The following BORCS5 variants were observed in gnomAD, a reference collection of about 807,000 sequenced individuals.
BORCS5 encodes BLOC-1 related complex subunit 5.
BORCS5 carries 17 observed loss-of-function variants against 22.1 expected under a neutral mutation model. The ratio of observed to expected loss-of-function variants is 0.77; its 90% CI spans 0.53 to 1.15. BORCS5 has a LOEUF of 1.15. Among genes scored for constraint, BORCS5 ranks in the 50% most tolerant of loss-of-function variants. The pLI is 0.00. For synonymous variants in BORCS5, 117 were observed against 99.8 expected, an observed-to-expected ratio of 1.17 and a Z score of -1.03; for missense variants, 247 against 253.2, an observed-to-expected ratio of 0.98 and a Z score of 0.17.
At chr12:12,412,443 A>T (rs940674987) in intron 2 of BORCS5, among the ~76,000 whole-genome samples, 1 of 152,174 alleles carries the variant, frequency 6.6e-6, no homozygotes, top group African/African-American at 2.4e-5. Context: ...ATAGAAATGC[A>T]ACTGATTTTT....
At chr12:12,363,967 C>T (rs922626478) in intron 2 of BORCS5, among the ~76,000 whole-genome samples, 2 of 151,980 alleles carry the variant, frequency 1.3e-5, no homozygotes, top group Admixed American at 6.6e-5. Flanking sequence ...CTTCTGTTTA[C>T]TAGAGGCCTT....
At chr12:12,420,998 G>A (rs1180299673) in intron 2 of BORCS5, among the ~76,000 whole-genome samples, 5 of 152,190 alleles carry the variant, frequency 3.3e-5, no homozygotes, top group African/African-American at 1.2e-4. Context: ...TCTGCAAACA[G>A]GGACAATTTG....
At position 12,357,152 on chromosome 12, in the gene BORCS5, G is replaced by A. The variant is rs1437604729; in HGVS notation, c.-300G>A. ...AAGCGGCGCCGCCCGCCGGCCGCAG[G>A]TGCGGCAAAGCCAGTGTCATCTGCC... On this transcript the variant is annotated 5_prime_UTR_variant, in exon 1 of 4. It adds an upstream start codon to the 5' untranslated region. Transcript: ENST00000314565. 1 of 1,533,152 alleles carries A rather than the reference G, an allele frequency of 6.5e-7. No homozygotes were observed. The highest frequency in any genetic ancestry group is 2.4e-5 in the East Asian group (1 of 40,876). 95.0% of individuals were successfully genotyped at this position (1,533,152 alleles called of 1,614,324 possible).
intron 2 of BORCS5, among the ~76,000 whole-genome samples, chr12:12,404,643 A>T (rs1248830289): frequency 6.6e-6 from 1 of 152,200 alleles, no homozygotes; most frequent in African/African-American, 2.4e-5. Flanking sequence ...TCCACATAGG[A>T]GCACTCCTCA....
chr12:12,400,693 T>C (rs900718396), intron 2 of BORCS5, among the ~76,000 whole-genome samples: 1 of 151,952 alleles, frequency 6.6e-6, no homozygotes, highest in Non-Finnish European at 1.5e-5. Context: ...GGAAGAAAAA[T>C]ACACGTTTCA....
At chr12:12,406,504 C>T (rs79764349) in intron 2 of BORCS5, among the ~76,000 whole-genome samples, 2,074 of 152,276 alleles carry the variant, frequency 0.014, 47 homozygotes, top group African/African-American at 0.047. Flanking sequence ...AGAAGGGTTA[C>T]CCCTTTGAGC....
chr12:12,422,605 G>T (rs1203461837), intron 2 of BORCS5, among the ~76,000 whole-genome samples: 5 of 140,522 alleles, frequency 3.6e-5, no homozygotes, highest in Non-Finnish European at 7.8e-5. Flanking sequence ...CATCTCAAAA[G>T]AAAAAAAAAA....
At chr12:12,448,210 T>C (rs1942829555) in intron 3 of BORCS5, among the ~76,000 whole-genome samples, 1 of 151,924 alleles carries the variant, frequency 6.6e-6, no homozygotes, top group African/African-American at 2.4e-5. Flanking sequence ...TTCTTTTATT[T>C]TTATTTATTT....
chr12:12,423,327 A>T (rs956230423), intron 2 of BORCS5, among the ~76,000 whole-genome samples: 1 of 151,076 alleles, frequency 6.6e-6, no homozygotes, highest in African/African-American at 2.4e-5. Context: ...ATTTACCTTT[A>T]CTGAGATCTT....
In BORCS5 at chr12:12,401,998, G is replaced by T. The variant is rs537417584; in HGVS notation, c.203-33630G>T. Among the ~76,000 whole-genome samples, 4 of 151,326 alleles carry T rather than the reference G, an allele frequency of 2.6e-5. No homozygotes were observed. In the East Asian group the frequency reaches 7.7e-4, roughly 29 times the overall value. Reference sequence around the variant, plus strand: ...GGAGAATGGCGTGAACCCGGGAGGCGGAGCTTGCAGTGAGCCAAGATGGCG... The same window carrying T: ...GGAGAATGGCGTGAACCCGGGAGGCTGAGCTTGCAGTGAGCCAAGATGGCG... On this transcript the variant is annotated intron_variant, in intron 2 of 3. Coordinates refer to ENST00000314565, the MANE Select transcript of BORCS5 (RefSeq NM_058169.6).
Position 12,361,269 on chromosome 12 carries a change from C to G in BORCS5, c.122C>G (p.Ser41Cys), listed in dbSNP as rs3741795. Residue 41 changes from serine to cysteine, a missense_variant, in exon 2 of 4, where the codon TCC (serine) becomes TGC (cysteine). Physicochemically the swap from Ser to Cys is moderately radical, Grantham distance 112. Coordinates refer to ENST00000314565, the MANE Select transcript of BORCS5 (RefSeq NM_058169.6). ...MDDIVVVAQG[S>C]QASRNVSNDP... ...GATATTGTGGTTGTAGCTCAGGGCT[C>G]CCAGGCCTCACGGAACGTCAGCAAC... 3,787 of 1,614,120 alleles carry G rather than the reference C, an allele frequency of 2.3e-3. 36 individuals carry two copies. The East Asian group carries it at 0.029, about 12-fold the overall frequency.
intron 2 of BORCS5, among the ~76,000 whole-genome samples, chr12:12,362,634 A>AACT (rs2136016045): frequency 1.8e-5 from 1 of 54,194 alleles, no homozygotes; most frequent in Admixed American, 2.6e-4. Context: ...CATGTTACTC[A>AACT]TCTTTTTTTT....
At chr12:12,387,842 C>T (rs917277689) in intron 2 of BORCS5, among the ~76,000 whole-genome samples, 11 of 151,410 alleles carry the variant, frequency 7.3e-5, no homozygotes, top group Admixed American at 2.0e-4. Flanking sequence ...CACATGTAGC[C>T]TCAGTTTCTA....
intron 3 of BORCS5, among the ~76,000 whole-genome samples, chr12:12,453,039 T>C (rs893522262): frequency 6.6e-6 from 1 of 152,154 alleles, no homozygotes; most frequent in Non-Finnish European, 1.5e-5. Flanking sequence ...CAAATCGGGA[T>C]AGCCGATGTA....
chr12:12,451,195 ATACTT>A (rs1222995968), intron 3 of BORCS5, among the ~76,000 whole-genome samples: 6 of 151,752 alleles, frequency 4.0e-5, no homozygotes, highest in East Asian at 1.9e-4. Flanking sequence ...GTGATAAAAT[ATACTT>A]TACTTTGTTG....
intron 2 of BORCS5, among the ~76,000 whole-genome samples, chr12:12,431,783 T>C (rs1216377271): frequency 6.6e-6 from 1 of 151,142 alleles, no homozygotes; most frequent in Non-Finnish European, 1.5e-5. Context: ...AGCCTTTGCC[T>C]CCCGGGTTCG....
In BORCS5 at chr12:12,465,560, A is replaced by G. The variant is rs1424744695; in HGVS notation, c.375A>G (p.Val125=). 12 of 1,614,236 alleles carry G rather than the reference A, an allele frequency of 7.4e-6. No individual in the cohort carries two copies. The highest frequency in any genetic ancestry group is 2.2e-5 in the East Asian group (1 of 44,890). ...VKRIKEMDLS[V]ETLFSFMQER... The stretch of plus-strand genomic sequence containing the variant: ...CCCATCCACAGATGGATCTGTCTGT[A>G]GAAACTCTGTTCAGCTTCATGCAGG... Residue 125 remains valine (V), a synonymous_variant, in exon 4 of 4, where the codon GTA becomes GTG. Transcript: ENST00000314565.
At chr12:12,374,538 G>A (rs1013752283) in intron 2 of BORCS5, among the ~76,000 whole-genome samples, 3 of 152,032 alleles carry the variant, frequency 2.0e-5, no homozygotes, top group African/African-American at 7.2e-5. Context: ...TACTTGGGAG[G>A]CTGAAGTGGG....
At chr12:12,413,788 C>T (rs1433521120) in intron 2 of BORCS5, among the ~76,000 whole-genome samples, 1 of 79,788 alleles carries the variant, frequency 1.3e-5, no homozygotes, top group South Asian at 2.9e-4. Context: ...GGCGGCCGGG[C>T]AGAGGCGCCC....
Sources: gnomAD v4.1 joint callset for allele counts (sites outside exome capture counted in the v4.1 genomes callset) on GRCh38, gnomAD v4.1.1 for gene constraint, MANE v1.5 for transcripts, NCBI Gene and HGNC (gene_info 2026-07-23, HGNC 2026-07-21) for gene names.